NPHP4: variants seen among roughly 807,000 people sequenced by gnomAD.
NPHP4 encodes the protein nephrocystin-4.
A neutral mutation model predicts 155.8 loss-of-function variants in NPHP4; 151 were observed. The observed-to-expected ratio is 0.97, with a 90% CI of 0.85 to 1.11. NPHP4 has a LOEUF of 1.11. NPHP4 is among the 50% of genes least tolerant of loss of function. The pLI, the probability that NPHP4 is intolerant of heterozygous loss-of-function variation, is 0.00. For synonymous variants in NPHP4, 845 were observed against 816.8 expected (o/e 1.03, Z -0.59); for missense variants, 1,956 against 1,925.7 (o/e 1.02, Z -0.29).
At chr1:5,870,491 C>T (rs1403067437) in intron 23 of NPHP4, among the ~76,000 whole-genome samples, 1 of 152,152 alleles carries the variant, frequency 6.6e-6, no homozygotes, top group African/African-American at 2.4e-5. Flanking sequence ...CCACTACCAA[C>T]CAACTCGGGC....
intron 5 of NPHP4, among the ~76,000 whole-genome samples, chr1:5,963,295 T>C (rs1350813424): frequency 6.6e-6 from 1 of 151,902 alleles, no homozygotes; most frequent in East Asian, 1.9e-4. Context: ...CTTGGGACGC[T>C]GAGGCAGGAG....
chr1:5,863,061 T>C lies in NPHP4; in HGVS notation c.*204A>G. ...TCGCGCTCACGGAACCCAGGCCTGCTGGGTGTCAGCAGCAGCTAAGCTGGA... is the reference window on the plus strand; with the variant it reads ...TCGCGCTCACGGAACCCAGGCCTGCCGGGTGTCAGCAGCAGCTAAGCTGGA... On this transcript the variant is annotated 3_prime_UTR_variant, in exon 30 of 30. Transcript: ENST00000378156. 3.3e-6 allele frequency: 2 copies of C among 608,404 alleles called. No individual in the cohort carries two copies. The highest frequency in any genetic ancestry group is 5.9e-6 in the Non-Finnish European group (2 of 339,994). 37.7% of individuals were successfully genotyped at this position (608,404 alleles called of 1,614,324 possible). A position where few individuals can be genotyped will look rare whatever the true frequency, so the allele number is the denominator to read the frequency against.
intron 9 of NPHP4, among the ~76,000 whole-genome samples, chr1:5,946,640 G>A (rs1221167351): frequency 2.0e-5 from 3 of 152,356 alleles, no homozygotes; most frequent in South Asian, 2.1e-4. Flanking sequence ...TATCTTTTGT[G>A]TGCTAATGAG....
chr1:5,930,300 T>C (rs1646210836), intron 10 of NPHP4, among the ~76,000 whole-genome samples: 1 of 152,222 alleles, frequency 6.6e-6, no homozygotes, highest in Non-Finnish European at 1.5e-5. Context: ...TTGTTTTCAA[T>C]TTCATTGGTT....
intron 11 of NPHP4, among the ~76,000 whole-genome samples, chr1:5,923,002 G>A (rs888432725): frequency 1.3e-5 from 2 of 152,102 alleles, no homozygotes; most frequent in Admixed American, 6.6e-5. Context: ...ATCTCTAAAA[G>A]CAAAACAAAA....
chr1:5,872,165 T>C (rs1208280532), intron 23 of NPHP4, among the ~76,000 whole-genome samples: 1 of 152,212 alleles, frequency 6.6e-6, no homozygotes, highest in African/African-American at 2.4e-5. Context: ...GCTCACAGCA[T>C]AAAGAGACAA....
Position 5,948,197 on chromosome 1 carries a change from C to T in NPHP4, c.865G>A (p.Val289Met), listed in dbSNP as rs1647221315. Residue 289 changes from valine (V) to methionine (M), a missense_variant, in exon 8 of 30, where the codon GTG becomes ATG. By Grantham distance (21) the Val-to-Met change is conservative. Transcript: ENST00000378156. ...AAGCCCAGACCATTGTGCACGCCCA[C>T]ACGCAGGCGCCGCTCCAGGATCTCC... The part of the protein sequence containing the change: ...ALEILERRLR[V>M]GVHNGLGFVQ... 6.2e-7 allele frequency: 1 copy of T among 1,607,756 alleles called. No homozygotes were observed. Among genetic ancestry groups the T allele is most frequent in the Non-Finnish European group, 8.5e-7 (1 of 1,178,156 alleles).
intron 2 of NPHP4, among the ~76,000 whole-genome samples, chr1:5,979,955 C>T (rs1400841790): frequency 3.3e-5 from 5 of 152,146 alleles, no homozygotes; most frequent in African/African-American, 9.7e-5. Context: ...AAAACCAACC[C>T]GTCCAGAGAC....
In NPHP4 at chr1:5,867,207, G is replaced by A. The variant is rs111317039; in HGVS notation, c.3473-92C>T. ...ACATTACACACTATAGGACAGGACAGGCTCGTCACAGGTGCTCAGCAAGAC... is the reference window on the plus strand; with the variant it reads ...ACATTACACACTATAGGACAGGACAAGCTCGTCACAGGTGCTCAGCAAGAC... On this transcript the variant is annotated intron_variant, in intron 24 of 29. Coordinates refer to ENST00000378156, the MANE Select transcript of NPHP4 (RefSeq NM_015102.5). This position sits in a 1 kb window ranked among gnomAD's most constrained non-coding sequence, Gnocchi z 4.1. 7.7e-4 allele frequency: 749 copies of A among 968,452 alleles called. 3 individuals carry two copies. In the African/African-American group the frequency reaches 0.011, roughly 14 times the overall value. The allele number at this position is 968,452 out of a possible 1,614,324, so 60.0% of individuals were successfully genotyped here. A position where few individuals can be genotyped will look rare whatever the true frequency, so the allele number is the denominator to read the frequency against.
intron 2 of NPHP4, among the ~76,000 whole-genome samples, chr1:5,981,048 G>C (rs549468964): frequency 2.8e-4 from 42 of 152,278 alleles, no homozygotes; most frequent in African/African-American, 1.0e-3. Context: ...AGCTCTCTGA[G>C]GACACAAGCC....
intron 5 of NPHP4, among the ~76,000 whole-genome samples, chr1:5,963,901 T>G (rs1360812503): frequency 6.6e-6 from 1 of 152,200 alleles, no homozygotes. Context: ...TTGACCAGGC[T>G]GGTCTCGAAC....
intron 11 of NPHP4, among the ~76,000 whole-genome samples, chr1:5,916,194 T>C (rs1645461294): frequency 6.6e-6 from 1 of 152,184 alleles, no homozygotes; most frequent in Admixed American, 6.5e-5. Context: ...ATGCACACTC[T>C]TCTGTGGTAA....
At chr1:5,964,941 A>ATATATATATATAT in intron 5 of NPHP4, among the ~76,000 whole-genome samples, 3 of 59,426 alleles carry the variant, frequency 5.0e-5, no homozygotes, top group African/African-American at 1.7e-4. Context: ...ATATATATAT[A>ATATATATATATAT]TTTTTTTTTT....
intron 6 of NPHP4, among the ~76,000 whole-genome samples, chr1:5,953,762 C>T (rs900146725): frequency 6.6e-6 from 1 of 152,204 alleles, no homozygotes; most frequent in Non-Finnish European, 1.5e-5. Flanking sequence ...GGAGCCTTCT[C>T]CACTTGCTCT....
chr1:5,873,234 C>A lies in NPHP4; in HGVS notation c.3315+18G>T. On this transcript the variant is annotated intron_variant, in intron 23 of 29. Transcript: ENST00000378156. ...CCAGGAAGCCCCGAGATCAGTTTGT[C>A]CTCCGTTGCCCCTTTACCTTGGCGT... 6.2e-7 allele frequency: 1 copy of A among 1,603,586 alleles called. No individual in the cohort carries two copies. Among genetic ancestry groups the A allele is most frequent in the Non-Finnish European group, 8.5e-7 (1 of 1,170,428 alleles).
intron 9 of NPHP4, among the ~76,000 whole-genome samples, chr1:5,941,289 C>CAAAAAAAAAAAAAAAAAAAAAA (rs66676950): frequency 1.8e-4 from 8 of 44,756 alleles, no homozygotes; most frequent in Admixed American, 3.2e-4. Flanking sequence ...GAGATCTAGA[C>CAAAAAAAAAAAAAAAAAAAAAA]AAAAAAAAAA....
At chr1:5,874,358 A>G (rs552316375) in intron 22 of NPHP4, 113 bp downstream of exon 22, 4 of 1,077,628 alleles carry the variant, frequency 3.7e-6, no homozygotes, top group African/African-American at 3.2e-5. Context: ...GGCAGCCCCA[A>G]GGCTAGTCTG....
Position 5,986,310 on chromosome 1 carries a change from G to A in NPHP4, c.-21C>T, listed in dbSNP as rs776965509. 3.2e-5 allele frequency: 52 copies of A among 1,612,690 alleles called. No individual in the cohort carries two copies. Among genetic ancestry groups the A allele is most frequent in the South Asian group, 3.2e-4 (29 of 90,928 alleles). On this transcript the variant is annotated 5_prime_UTR_variant, in exon 2 of 30. In the 5' UTR this introduces an upstream ATG that the reference lacks. Transcript: ENST00000378156. Reference sequence around the variant, plus strand: ...TTCATCCTGCCCGCCTGAGGGTCCCGTGGGCTTCCCGGATGATCTGTGCCA... The same window carrying A: ...TTCATCCTGCCCGCCTGAGGGTCCCATGGGCTTCCCGGATGATCTGTGCCA...
At chr1:5,896,884 G>A (rs539364979) in intron 16 of NPHP4, among the ~76,000 whole-genome samples, 216 of 152,258 alleles carry the variant, frequency 1.4e-3, no homozygotes, top group African/African-American at 4.8e-3. Context: ...GTGAAAGGCC[G>A]GAAGGGCTCC....
Sources: gnomAD v4.1 joint callset for allele counts (sites outside exome capture counted in the v4.1 genomes callset) on GRCh38, gnomAD v4.1.1 for gene constraint, Gnocchi (gnomAD v3.1) non-coding constraint, MANE v1.5 for transcripts, NCBI Gene and HGNC (gene_info 2026-07-23, HGNC 2026-07-21) for gene names.